UGT2B10: variants seen among roughly 807,000 people sequenced by gnomAD.
UGT2B10 encodes the protein UDP glucuronosyltransferase family 2 member B10.
Under a neutral mutation model 43.7 loss-of-function variants are expected in UGT2B10, and 51 were observed. The observed-to-expected ratio is 1.17, with a 90% CI of 0.93 to 1.47. The LOEUF (loss-of-function observed/expected upper bound fraction) is 1.47. Among genes scored for constraint, UGT2B10 ranks in the 40% most tolerant of loss-of-function variants. The pLI is 0.00. For synonymous variants in UGT2B10, 225 were observed against 209.0 expected, an observed-to-expected ratio of 1.08 and a Z score of -0.66; for missense variants, 696 against 617.7, an observed-to-expected ratio of 1.13 and a Z score of -1.34.
intron 3 of UGT2B10, among the ~76,000 whole-genome samples, chr4:68,824,314 G>T (rs1020202959): frequency 6.6e-6 from 1 of 152,178 alleles, no homozygotes; most frequent in Non-Finnish European, 1.5e-5. Flanking sequence ...CAGGTGAAAA[G>T]GAAAAGGTGC....
intron 5 of UGT2B10, among the ~76,000 whole-genome samples, chr4:68,829,468 C>A (rs564279351): frequency 4.2e-4 from 64 of 152,012 alleles, no homozygotes; most frequent in African/African-American, 1.4e-3. Flanking sequence ...ACTTAGTGTA[C>A]GTATATTTAT....
chr4:68,818,177 G>A lies in UGT2B10; in HGVS notation c.867G>A (p.Lys289=), dbSNP rs780725216. 8 of 1,607,442 alleles carry A rather than the reference G, an allele frequency of 5.0e-6. No homozygotes were observed. Among genetic ancestry groups the A allele is most frequent in the African/African-American group, 1.3e-5 (1 of 74,368 alleles). The change falls in exon 2 of 6, where the codon AAG becomes AAA. Residue 289 remains lysine (K), a splice_region_variant and synonymous_variant. Coordinates refer to ENST00000265403, the MANE Select transcript of UGT2B10 (RefSeq NM_001075.6). Reference sequence around the variant, plus strand: ...GCAAACCTGCCAAACCCCTACCTAAGGTAAACATACTTTCGTTGGTTTTAT... The same window carrying A: ...GCAAACCTGCCAAACCCCTACCTAAAGTAAACATACTTTCGTTGGTTTTAT... ...LHCKPAKPLP[K]EMEEFVQSSG...
intron 2 of UGT2B10, 132 bp downstream of exon 2, chr4:68,818,309 T>C: frequency 6.8e-7 from 1 of 1,472,998 alleles, no homozygotes; most frequent in East Asian, 2.4e-5. Context: ...AGATACCAAT[T>C]AGAAACTCAT....
At chr4:68,824,785 C>G (rs6839369) in intron 3 of UGT2B10, among the ~76,000 whole-genome samples, 3,085 of 152,100 alleles carry the variant, frequency 0.02, 120 homozygotes, top group African/African-American at 0.07. Flanking sequence ...CTTTGTAGCA[C>G]CTTGTCTAAG....
chr4:68,824,013 G>GA (rs1437763391), intron 3 of UGT2B10, among the ~76,000 whole-genome samples: 1 of 152,172 alleles, frequency 6.6e-6, no homozygotes, highest in African/African-American at 2.4e-5. Flanking sequence ...GATGTTATCA[G>GA]AAAAAGTTAC....
In UGT2B10 at chr4:68,828,372, C is replaced by T. The variant is rs558226657; in HGVS notation, c.1307+824C>T. On this transcript the variant is annotated intron_variant, in intron 5 of 5. Transcript: ENST00000265403. ...ATAGATACGTCATAATTTAGTTGTT[C>T]ATTTATCAGTTCATTGGCCTTTGTG... is the stretch of plus-strand genomic sequence containing the variant. 6.8e-4 allele frequency among the ~76,000 whole-genome samples: 103 copies of T among 151,612 alleles called. 1 individual carries two copies. Among genetic ancestry groups the T allele is most frequent in the Non-Finnish European group, 1.3e-3 (86 of 67,862 alleles).
intron 2 of UGT2B10, among the ~76,000 whole-genome samples, chr4:68,820,446 T>G (rs1181932308): frequency 1.3e-5 from 2 of 152,044 alleles, no homozygotes; most frequent in African/African-American, 4.8e-5. Context: ...ATAAAAAAAT[T>G]AATCAAGGTG....
intron 2 of UGT2B10, among the ~76,000 whole-genome samples, chr4:68,821,252 T>A (rs1306602577): frequency 1.3e-5 from 2 of 152,182 alleles, no homozygotes; most frequent in African/African-American, 2.4e-5. Flanking sequence ...TATATTGGCA[T>A]ACATTGGGGA....
chr4:68,823,301 A>G (rs28377589), intron 3 of UGT2B10, among the ~76,000 whole-genome samples: 41,463 of 151,696 alleles, frequency 0.27, 6,110 homozygotes, highest in Admixed American at 0.43. Flanking sequence ...AGGTCAGGAG[A>G]TCGAGATCAC....
chr4:68,822,636 C>T (rs1467187388), intron 3 of UGT2B10, among the ~76,000 whole-genome samples: 3 of 152,064 alleles, frequency 2.0e-5, no homozygotes, highest in Non-Finnish European at 4.4e-5. Context: ...TTCCTATTAG[C>T]ATCAGTGGGA....
rs755883696 is a variant in UGT2B10 at position 68,830,642 on chromosome 4, T to G, written c.1350T>G (p.Asp450Glu). 1 of 1,613,150 alleles carries G rather than the reference T, an allele frequency of 6.2e-7. No individual in the cohort carries two copies. The highest frequency in any genetic ancestry group is 8.5e-7 in the Non-Finnish European group (1 of 1,179,406). The change falls in exon 6 of 6, where the codon GAT becomes GAG. Residue 450 changes from aspartate (D) to glutamate (E), a missense_variant. Coordinates refer to ENST00000265403, the MANE Select transcript of UGT2B10 (RefSeq NM_001075.6). ...TGAAATTATCAAGAATTCAACATGA[T>G]CAACCAGTGAAGCCCCTGGATCGAG... ...NIMKLSRIQH[D>E]QPVKPLDRAV...
At chr4:68,830,437 G>A (rs1220309265) in intron 5 of UGT2B10, among the ~76,000 whole-genome samples, 163 bp from the exon 6 acceptor site, 1 of 151,152 alleles carries the variant, frequency 6.6e-6, no homozygotes, top group Non-Finnish European at 1.5e-5. Flanking sequence ...CAATTTAAAA[G>A]CCAAACTTTG....
rs1012115974 is a variant in UGT2B10, at chr4:68,822,164, C to T, written c.868-107C>T. ...AAAATATTATTTACTCCAATAATTC[C>T]TCAAAATACTTGATTTTCTCTCTTT... On this transcript the variant is annotated intron_variant, in intron 2 of 5. Transcript: ENST00000265403. 2.7e-6 allele frequency: 4 copies of T among 1,493,304 alleles called. No individual in the cohort carries two copies. The African/African-American group carries it at 5.6e-5, about 21-fold the overall frequency. 92.5% of individuals were successfully genotyped at this position (1,493,304 alleles called of 1,614,324 possible). A position where few individuals can be genotyped will look rare whatever the true frequency, so the allele number is the denominator to read the frequency against.
chr4:68,822,192 T>C lies in UGT2B10; in HGVS notation c.868-79T>C, dbSNP rs531639555. ...AAAATACTTGATTTTCTCTCTTTAA[T>C]ATTTTGTACCAATTCTTTCGGTAGT... On this transcript the variant is annotated intron_variant, in intron 2 of 5. Transcript: ENST00000265403. The C allele has an allele frequency of 3.5e-5, 54 of 1,559,062 alleles. No individual in the cohort carries two copies. In the African/African-American group the frequency reaches 6.5e-4, roughly 19 times the overall value.
Position 68,822,362 on chromosome 4 carries a change from C to T in UGT2B10, c.959C>T (p.Ala320Val), listed in dbSNP as rs782554676. 5.0e-6 allele frequency: 8 copies of T among 1,613,540 alleles called. No individual in the cohort carries two copies. Among genetic ancestry groups the T allele is most frequent in the Non-Finnish European group, 6.8e-6 (8 of 1,179,806 alleles). ...SMVSNMTEER[A>V]NVIATALAKI... is the part of the protein sequence containing the mutation. ...GTCAGTAACATGACAGAAGAAAGGGCCAACGTAATTGCAACAGCCCTTGCC... is the reference window on the plus strand; with the variant it reads ...GTCAGTAACATGACAGAAGAAAGGGTCAACGTAATTGCAACAGCCCTTGCC... The change falls in exon 3 of 6, where the codon GCC (alanine) becomes GTC (valine). Residue 320 changes from alanine to valine, a missense_variant. Coordinates refer to ENST00000265403, the MANE Select transcript of UGT2B10 (RefSeq NM_001075.6).
chr4:68,818,035 C>T lies in UGT2B10; in HGVS notation c.725C>T (p.Pro242Leu). 6.2e-7 allele frequency: 1 copy of T among 1,608,140 alleles called. No individual in the cohort carries two copies. The highest frequency in any genetic ancestry group is 8.5e-7 in the Non-Finnish European group (1 of 1,177,640). ...TTTTCTTTATTCCTATCAGGAAGAC[C>T]CACTACATTATCTGAGACAATGAGG... ...DQFYSEVLGR[P>L]TTLSETMRKA... The change falls in exon 2 of 6, where the codon CCC becomes CTC. Residue 242 changes from proline to leucine, a missense_variant. Physicochemically the swap from Pro to Leu is moderately conservative, Grantham distance 98. Transcript: ENST00000265403.
chr4:68,826,974 C>T (rs1250380691), intron 4 of UGT2B10, among the ~76,000 whole-genome samples: 1 of 152,080 alleles, frequency 6.6e-6, no homozygotes, highest in East Asian at 1.9e-4. Context: ...CAACCCACTG[C>T]CTGCTGCCTT....
chr4:68,827,614 T>A, intron 5 of UGT2B10, 66 bp downstream of exon 5: 2 of 1,593,270 alleles, frequency 1.3e-6, no homozygotes, highest in Admixed American at 1.7e-5. Flanking sequence ...GTAGTGAGCA[T>A]GAGTTTCATC....
chr4:68,816,453 A>G lies in UGT2B10; in HGVS notation c.434A>G (p.Asp145Gly), dbSNP rs201775548. 3.1e-6 allele frequency: 5 copies of G among 1,613,228 alleles called. No homozygotes were observed. Among genetic ancestry groups the G allele is most frequent in the Non-Finnish European group, 4.2e-6 (5 of 1,179,478 alleles). ...LMKKLQESRFDIVFADAYLPC... is the reference protein window; with the variant it reads ...LMKKLQESRFGIVFADAYLPC... ...AAAAAACTACAAGAGTCAAGATTTG[A>G]CATCGTTTTTGCAGATGCTTATTTA... The change falls in exon 1 of 6, where the codon GAC (aspartate) becomes GGC (glycine). Residue 145 changes from aspartate to glycine, a missense_variant. Coordinates refer to ENST00000265403, the MANE Select transcript of UGT2B10 (RefSeq NM_001075.6).
Sources: allele counts gnomAD v4.1 joint callset (sites outside exome capture counted in the v4.1 genomes callset), GRCh38; gene constraint gnomAD v4.1.1; transcripts MANE v1.5; gene names NCBI Gene and HGNC (gene_info 2026-07-23, HGNC 2026-07-21).